The following VWA8 variants were observed in gnomAD, a reference collection of about 807,000 sequenced individuals.
The protein encoded by VWA8 is von Willebrand factor A domain-containing protein 8.
Under a neutral mutation model 241.5 loss-of-function variants are expected in VWA8, and 221 were observed. That is an observed-to-expected ratio of 0.91 (90% CI 0.82 to 1.02). The LOEUF (loss-of-function observed/expected upper bound fraction) is 1.02, where lower values mean the gene tolerates loss of function less well. Among genes scored for constraint, VWA8 ranks in the 50% least tolerant of loss-of-function variants. The pLI is 0.00. For missense variants in VWA8, 2,322 were observed against 2,328.7 expected, an observed-to-expected ratio of 1.00 and a Z score of 0.06; for synonymous variants, 852 against 827.1, an observed-to-expected ratio of 1.03 and a Z score of -0.52.
intron 21 of VWA8, among the ~76,000 whole-genome samples, chr13:41,732,924 G>A (rs919148397): frequency 3.9e-5 from 6 of 152,044 alleles, no homozygotes; most frequent in Admixed American, 3.9e-4. Flanking sequence ...ATTTTTAAGG[G>A]GATCAATTTT....
rs1191810226 is a variant in VWA8, at chr13:41,784,737, C to CACATATATAT, written c.2171-837_2171-836insATATATATGT. 2.3e-3 allele frequency among the ~76,000 whole-genome samples: 168 copies of CACATATATAT among 72,532 alleles called. 4 individuals are homozygous for CACATATATAT. The highest frequency in any genetic ancestry group is 3.5e-3 in the Non-Finnish European group (123 of 34,760). 47.6% of individuals were successfully genotyped at this position (72,532 alleles called of 152,430 possible). A position where few individuals can be genotyped will look rare whatever the true frequency, so the allele number is the denominator to read the frequency against. Reference sequence around the variant, plus strand: ...ATATATATATATATATATACACACACATATATATATATATATATATATATA... The same window carrying CACATATATAT: ...ATATATATATATATATATACACACACACATATATATATATATATATATATATATATATATA... On this transcript the variant is annotated intron_variant, in intron 18 of 44. Transcript: ENST00000379310.
chr13:41,820,377 G>C (rs1870899126), intron 14 of VWA8, among the ~76,000 whole-genome samples: 2 of 152,146 alleles, frequency 1.3e-5, no homozygotes, highest in Admixed American at 6.5e-5. Flanking sequence ...CAGGAGGTAG[G>C]ACACAAGTGG....
At chr13:41,644,227 C>T (rs779679225) in intron 37 of VWA8, among the ~76,000 whole-genome samples, 8 of 151,666 alleles carry the variant, frequency 5.3e-5, no homozygotes, top group African/African-American at 1.2e-4. Flanking sequence ...TTTCCTCTTA[C>T]GAGCCTCTAA....
At chr13:41,895,505 A>G (rs1053120870) in intron 4 of VWA8, among the ~76,000 whole-genome samples, 1 of 152,204 alleles carries the variant, frequency 6.6e-6, no homozygotes, top group African/African-American at 2.4e-5. Flanking sequence ...TCAGTTCAAC[A>G]TAGAGCATAC....
intron 9 of VWA8, among the ~76,000 whole-genome samples, chr13:41,869,011 T>C (rs1456901840): frequency 6.6e-6 from 1 of 151,534 alleles, no homozygotes; most frequent in Admixed American, 6.6e-5. Context: ...ATTAAAATAG[T>C]CCCTAAAATT....
intron 2 of VWA8, among the ~76,000 whole-genome samples, chr13:41,944,108 AAAT>A (rs3074010): frequency 1.4e-4 from 21 of 146,542 alleles, no homozygotes; most frequent in Admixed American, 2.7e-4. Flanking sequence ...CTGTCTCAAA[AAAT>A]AATAATAATA....
intron 1 of VWA8, among the ~76,000 whole-genome samples, chr13:41,958,748 A>G (rs1474399804): frequency 1.3e-5 from 2 of 152,190 alleles, no homozygotes; most frequent in Non-Finnish European, 2.9e-5. Context: ...CACACCCTCA[A>G]AAAATACCTC....
At chr13:41,721,149 G>A (rs1170300560) in intron 25 of VWA8, among the ~76,000 whole-genome samples, 2 of 152,096 alleles carry the variant, frequency 1.3e-5, no homozygotes, top group African/African-American at 4.8e-5. Context: ...CTAACTCCTT[G>A]GTAATGATTA....
chr13:41,850,841 GA>G, intron 12 of VWA8, among the ~76,000 whole-genome samples: 1 of 152,212 alleles, frequency 6.6e-6, no homozygotes, highest in Non-Finnish European at 1.5e-5. Context: ...AAAGCACCAG[GA>G]ACTGACACTA....
In VWA8 at chr13:41,881,371, CCGGGGGGGGG is replaced by C. The variant is rs1227148209; in HGVS notation, c.1080+2006_1080+2015del. 9.1e-4 allele frequency among the ~76,000 whole-genome samples: 10 copies of C among 10,984 alleles called. 2 individuals carry two copies. The East Asian group carries it at 0.16, about 176-fold the overall frequency. The allele number at this position is 10,984 out of a possible 152,430, so 7.2% of individuals were successfully genotyped here. A position where few individuals can be genotyped will look rare whatever the true frequency, so the allele number is the denominator to read the frequency against. On this transcript the variant is annotated intron_variant, in intron 9 of 44. Coordinates refer to ENST00000379310, the MANE Select transcript of VWA8 (RefSeq NM_015058.2). ...ACTAGAACATCATAGTTTTTTTTTGCCGGGGGGGGGGGGGGGGGGGTAAGGTCACAGATCA... is the reference window on the plus strand; with the variant it reads ...ACTAGAACATCATAGTTTTTTTTTGCGGGGGGGGGGTAAGGTCACAGATCA...
chr13:41,802,179 G>A (rs1232017911), intron 17 of VWA8, among the ~76,000 whole-genome samples: 1 of 152,236 alleles, frequency 6.6e-6, no homozygotes, highest in African/African-American at 2.4e-5. Flanking sequence ...CCCTAGTGGT[G>A]CTACATAGCT....
Position 41,570,635 on chromosome 13 carries a change from C to T in VWA8, c.5442G>A (p.Lys1814=). 2 of 1,614,226 alleles carry T rather than the reference C, an allele frequency of 1.2e-6. No homozygotes were observed. Among genetic ancestry groups the T allele is most frequent in the Non-Finnish European group, 1.7e-6 (2 of 1,180,052 alleles). ...HTLEGTEHAI[K]EIVKEEADEY... is the part of the protein sequence containing the mutation. ...CATCAGCTTCTTCTTTGACAATTTCCTTGATGGCATGTTCTGTCCCTTCTA... is the reference window on the plus strand; with the variant it reads ...CATCAGCTTCTTCTTTGACAATTTCTTTGATGGCATGTTCTGTCCCTTCTA... The change falls in exon 44 of 45, where the codon AAG becomes AAA. Residue 1814 remains lysine (K), a synonymous_variant. Transcript: ENST00000379310.
At chr13:41,823,483 T>TC (rs1278645701) in intron 14 of VWA8, among the ~76,000 whole-genome samples, 1 of 152,142 alleles carries the variant, frequency 6.6e-6, no homozygotes, top group African/African-American at 2.4e-5. Context: ...AACTCTCAAC[T>TC]CCCTCATTTA....
At chr13:41,631,186 AT>A (rs1288228931) in intron 37 of VWA8, among the ~76,000 whole-genome samples, 19 of 152,050 alleles carry the variant, frequency 1.2e-4, no homozygotes, top group Admixed American at 1.2e-3. Context: ...CACCTAGCTA[AT>A]TTTTGTATTT....
At chr13:41,834,168 G>A (rs1239220521) in intron 12 of VWA8, among the ~76,000 whole-genome samples, 1 of 152,180 alleles carries the variant, frequency 6.6e-6, no homozygotes, top group African/African-American at 2.4e-5. Context: ...CACACACAAT[G>A]TGCTAACAAT....
chr13:41,858,106 CCAG>C (rs1490664089), intron 12 of VWA8, among the ~76,000 whole-genome samples: 1 of 152,152 alleles, frequency 6.6e-6, no homozygotes, highest in Non-Finnish European at 1.5e-5. Flanking sequence ...TCCTGGCTCT[CCAG>C]CTTGCAGATG....
chr13:41,865,658 G>A, intron 12 of VWA8, 78 bp downstream of exon 12: 9 of 1,498,768 alleles, frequency 6.0e-6, no homozygotes, highest in Non-Finnish European at 8.2e-6. Flanking sequence ...GTCATAACAA[G>A]AAGATATCCA....
intron 2 of VWA8, among the ~76,000 whole-genome samples, chr13:41,914,553 T>A (rs951670692): frequency 6.4e-4 from 97 of 152,340 alleles, no homozygotes; most frequent in African/African-American, 2.3e-3. Context: ...AAATAAGAGT[T>A]AAGACACCTT....
chr13:41,740,019 T>A (rs1243805201), intron 21 of VWA8, among the ~76,000 whole-genome samples: 1 of 151,878 alleles, frequency 6.6e-6, no homozygotes, highest in Non-Finnish European at 1.5e-5. Context: ...CATGCCCGGC[T>A]AATTTTTTGT....
Sources: gnomAD v4.1 joint callset for allele counts (sites outside exome capture counted in the v4.1 genomes callset) on GRCh38, gnomAD v4.1.1 for gene constraint, MANE v1.5 for transcripts, NCBI Gene and HGNC (gene_info 2026-07-23, HGNC 2026-07-21) for gene names.